Variants in EFEMP2 observed in about 807,000 individuals in gnomAD.
EFEMP2 encodes EGF-containing fibulin-like extracellular matrix protein 2.
Under a neutral mutation model 55.3 loss-of-function variants are expected in EFEMP2, and 21 were observed. That is an observed-to-expected ratio of 0.38 (90% CI 0.27 to 0.55). EFEMP2 has a LOEUF of 0.55. EFEMP2 is among the 20% of genes least tolerant of loss of function. The pLI is 0.77. For missense variants in EFEMP2, 513 were observed against 615.1 expected, an observed-to-expected ratio of 0.83 and a Z score of 1.76; for synonymous variants, 275 against 242.3, an observed-to-expected ratio of 1.14 and a Z score of -1.25.
rs1247980345 is a variant in EFEMP2, at chr11:65,870,219, T to C, written c.509A>G (p.Tyr170Cys). ...PECVDIDECRYRYCQHRCVNL... is the reference protein window; with the variant it reads ...PECVDIDECRCRYCQHRCVNL... Reference sequence around the variant, plus strand: ...CACGCAGCGGTGCTGGCAGTAGCGGTAGCGGCACTCGTCTATGTCTAGGGA... The same window carrying C: ...CACGCAGCGGTGCTGGCAGTAGCGGCAGCGGCACTCGTCTATGTCTAGGGA... Residue 170 changes from tyrosine to cysteine, a missense_variant, in exon 6 of 11, where the codon TAC becomes TGC. Coordinates refer to ENST00000307998, the MANE Select transcript of EFEMP2 (RefSeq NM_016938.5). 1 of 1,613,326 alleles carries C rather than the reference T, an allele frequency of 6.2e-7. No individual in the cohort carries two copies. Among genetic ancestry groups the C allele is most frequent in the Non-Finnish European group, 8.5e-7 (1 of 1,179,978 alleles).
intron 7 of EFEMP2, chr11:65,869,605 T>TAC (rs1859927453): frequency 3.7e-6 from 2 of 546,594 alleles, no homozygotes; most frequent in South Asian, 3.9e-5. Context: ...GAGCCTGATA[T>TAC]GTGGGACAGG....
At chr11:65,870,830 A>C in intron 4 of EFEMP2, 172 bp from the exon 5 acceptor site, 1 of 904,278 alleles carries the variant, frequency 1.1e-6, no homozygotes, top group Non-Finnish European at 1.7e-6. Context: ...GGGGTTGCAC[A>C]GGAAATAAGG....
At position 65,872,379 on chromosome 11, in the gene EFEMP2, C is replaced by A. The variant is rs1330231469; in HGVS notation, c.-7-18G>T. 5 of 1,514,296 alleles carry A rather than the reference C, an allele frequency of 3.3e-6. No homozygotes were observed. The highest frequency in any genetic ancestry group is 4.5e-6 in the Non-Finnish European group (5 of 1,114,512). 93.8% of individuals were successfully genotyped at this position (1,514,296 alleles called of 1,614,324 possible). A position where few individuals can be genotyped will look rare whatever the true frequency, so the allele number is the denominator to read the frequency against. ...TCCTGGGGCTGCGAGATGGTGGACACGGGTCAGGGGCCTCTGCCCGCGGCA... is the reference window on the plus strand; with the variant it reads ...TCCTGGGGCTGCGAGATGGTGGACAAGGGTCAGGGGCCTCTGCCCGCGGCA... On this transcript the variant is annotated intron_variant, in intron 1 of 10. Transcript: ENST00000307998.
At chr11:65,870,277 G>A in intron 5 of EFEMP2, 40 bp from the exon 6 acceptor site, 1 of 1,589,936 alleles carries the variant, frequency 6.3e-7, no homozygotes, top group African/African-American at 1.3e-5. Flanking sequence ...GAGGGCAGAG[G>A]GCAGAGGGCA....
At chr11:65,871,051 TG>T in intron 4 of EFEMP2, 105 bp downstream of exon 4, 1 of 1,317,082 alleles carries the variant, frequency 7.6e-7, no homozygotes, top group Non-Finnish European at 1.1e-6. Flanking sequence ...GATGAGGGTG[TG>T]GACATCACCA....
Position 65,866,805 on chromosome 11 carries a change from C to T in EFEMP2, c.*113G>A, listed in dbSNP as rs946630454. ...CTGAGGCTTCCTGCAGTGTGACCCG[C>T]CCACCTCAGCCACCAGGACTTTCTT... On this transcript the variant is annotated 3_prime_UTR_variant, in exon 11 of 11. Transcript: ENST00000307998. 1.4e-6 allele frequency: 2 copies of T among 1,391,338 alleles called. No individual in the cohort carries two copies. Among genetic ancestry groups the T allele is most frequent in the African/African-American group, 2.9e-5 (2 of 69,956 alleles). 86.2% of individuals were successfully genotyped at this position (1,391,338 alleles called of 1,614,324 possible). A position where few individuals can be genotyped will look rare whatever the true frequency, so the allele number is the denominator to read the frequency against.
At chr11:65,872,133 A>G (rs1859974541) in intron 2 of EFEMP2, 111 bp downstream of exon 2, 15 of 1,499,014 alleles carry the variant, frequency 1.0e-5, no homozygotes, top group Non-Finnish European at 1.4e-5. Context: ...AATGGCCCCC[A>G]GCTCTCCACC....
intron 7 of EFEMP2, 83 bp downstream of exon 7, chr11:65,869,774 T>C: frequency 6.3e-7 from 1 of 1,596,832 alleles, no homozygotes; most frequent in South Asian, 1.1e-5. Context: ...AGGCCTCAAA[T>C]GGAGAACTGT....
At chr11:65,871,007 A>G in intron 4 of EFEMP2, 150 bp downstream of exon 4, 1 of 1,006,444 alleles carries the variant, frequency 9.9e-7, no homozygotes, top group Non-Finnish European at 1.5e-6. Flanking sequence ...AGCTGGGGCC[A>G]CCTGCGGCAG....
chr11:65,867,044 G>T lies in EFEMP2; in HGVS notation c.1206C>A (p.Ala402=). 6.2e-7 allele frequency: 1 copy of T among 1,614,180 alleles called. No homozygotes were observed. Reference sequence around the variant, plus strand: ...ACTCCCGGGGGCCCGTCACCGGCCGGGCGAGGACCAGCATGGCGCTGACGT... The same window carrying T: ...ACTCCCGGGGGCCCGTCACCGGCCGTGCGAGGACCAGCATGGCGCTGACGT... ...INNVSAMLVL[A]RPVTGPREYV... The change falls in exon 11 of 11, where the codon GCC becomes GCA. Residue 402 remains alanine (A), a synonymous_variant. Transcript: ENST00000307998.
chr11:65,870,393 C>G, intron 5 of EFEMP2, 143 bp downstream of exon 5: 1 of 1,450,674 alleles, frequency 6.9e-7, no homozygotes. Flanking sequence ...ACACTCCCCG[C>G]TACAGTCCTC....
Position 65,868,411 on chromosome 11 carries a change from C to T in EFEMP2, c.858G>A (p.Glu286=). 5.6e-6 allele frequency: 9 copies of T among 1,613,958 alleles called. No homozygotes were observed. The highest frequency in any genetic ancestry group is 7.6e-6 in the Non-Finnish European group (9 of 1,180,032). The stretch of plus-strand genomic sequence containing the variant: ...AGCACTGGTGCGCACCAGACTCACA[C>T]TCATCAATGTCTGTGCCAGGGGAGA... ...LATRLCQDID[E]CESGAHQCSE... is the part of the protein sequence containing the mutation. The change falls in exon 9 of 11, where the codon GAG becomes GAA. Residue 286 remains glutamate, a synonymous_variant. Coordinates refer to ENST00000307998, the MANE Select transcript of EFEMP2 (RefSeq NM_016938.5).
chr11:65,871,462 C>T, intron 3 of EFEMP2, 99 bp from the exon 4 acceptor site: 2 of 1,126,026 alleles, frequency 1.8e-6, no homozygotes, highest in Non-Finnish European at 2.7e-6. Flanking sequence ...GATGTGTGGC[C>T]CCAGCAAAGC....
rs193302867 is a variant in EFEMP2 at position 65,870,650 on chromosome 11, C to G, written c.376G>C (p.Glu126Gln). Reference sequence around the variant, plus strand: ...CAGTCGTGCAGGGCCTGGGCACACTCGTCCACATCTGCGAGAGACACCACT... The same window carrying G: ...CAGTCGTGCAGGGCCTGGGCACACTGGTCCACATCTGCGAGAGACACCACT... The part of the protein sequence containing the change: ...DDQDSCVDVD[E>Q]CAQALHDCRP... The change falls in exon 5 of 11, where the codon GAG becomes CAG. Residue 126 changes from glutamate (E) to glutamine (Q), a missense_variant. Glu to Gln is a conservative substitution (Grantham distance 29). Coordinates refer to ENST00000307998, the MANE Select transcript of EFEMP2 (RefSeq NM_016938.5). 6.2e-7 allele frequency: 1 copy of G among 1,614,030 alleles called. No individual in the cohort carries two copies. The highest frequency in any genetic ancestry group is 8.5e-7 in the Non-Finnish European group (1 of 1,180,018).
In EFEMP2 at chr11:65,867,851, G is replaced by C. The variant is rs2134746479; in HGVS notation, c.1170+10C>G. On this transcript the variant is annotated intron_variant, in intron 10 of 10. Transcript: ENST00000307998. ...TTGTGCATGTCAGTTGAGGGTTGCA[G>C]AAACCTTACCCTAATGTAAAAGTCC... 1 of 1,613,914 alleles carries C rather than the reference G, an allele frequency of 6.2e-7. No individual in the cohort carries two copies. Among genetic ancestry groups the C allele is most frequent in the South Asian group, 1.1e-5 (1 of 91,088 alleles).
rs930396371 is a variant in EFEMP2, at chr11:65,872,711, G to C, written c.-36C>G. 2.8e-6 allele frequency: 1 copy of C among 353,630 alleles called. No individual in the cohort carries two copies. Among genetic ancestry groups the C allele is most frequent in the Non-Finnish European group, 5.7e-6 (1 of 175,456 alleles). 21.9% of individuals were successfully genotyped at this position (353,630 alleles called of 1,614,324 possible). A position where few individuals can be genotyped will look rare whatever the true frequency, so the allele number is the denominator to read the frequency against. On this transcript the variant is annotated 5_prime_UTR_variant, in exon 1 of 11. Transcript: ENST00000307998. ...GGCCCGCGACACCCCCGCGGCCCGCGGCTCTGGCGGCTCGGCTGGCTCGGG... is the reference window on the plus strand; with the variant it reads ...GGCCCGCGACACCCCCGCGGCCCGCCGCTCTGGCGGCTCGGCTGGCTCGGG...
Position 65,871,066 on chromosome 11 carries a change from GC to G in EFEMP2, c.367+90del, listed in dbSNP as rs376778147. ...GATGAGGGTGTGGACATCACCAGTGGCCCTTTTGAGCTGGGGAGGAACATGA... is the reference window on the plus strand; with the variant it reads ...GATGAGGGTGTGGACATCACCAGTGGCCTTTTGAGCTGGGGAGGAACATGA... On this transcript the variant is annotated intron_variant, in intron 4 of 10. Coordinates refer to ENST00000307998, the MANE Select transcript of EFEMP2 (RefSeq NM_016938.5). 2.4e-4 allele frequency: 337 copies of G among 1,428,964 alleles called. 10 individuals carry two copies. The East Asian group carries it at 4.0e-3, about 17-fold the overall frequency. The allele number at this position is 1,428,964 out of a possible 1,614,324, so 88.5% of individuals were successfully genotyped here. A position where few individuals can be genotyped will look rare whatever the true frequency, so the allele number is the denominator to read the frequency against.
At chr11:65,871,033 A>G (rs1205037090) in intron 4 of EFEMP2, 124 bp downstream of exon 4, 5 of 1,197,966 alleles carry the variant, frequency 4.2e-6, no homozygotes, top group Non-Finnish European at 4.8e-6. Context: ...AAACAACATG[A>G]GTGTCTGGAT....
Position 65,866,944 on chromosome 11 carries a change from C to T in EFEMP2, c.1306G>A (p.Val436Ile), listed in dbSNP as rs774228818. The change falls in exon 11 of 11, where the codon GTC becomes ATC. Residue 436 changes from valine (V) to isoleucine (I), a missense_variant. Transcript: ENST00000307998. The stretch of plus-strand genomic sequence containing the variant: ...CAGAAGGTGTAGGCCCCTACAAAGA[C>T]GGTGAGCCTCAGTACAGAGCTGGCC... ...YRASSVLRLTVFVGAYTF is the reference protein window; with the variant it reads ...YRASSVLRLTIFVGAYTF 3.8e-5 allele frequency: 61 copies of T among 1,614,070 alleles called. No homozygotes were observed. The highest frequency in any genetic ancestry group is 7.7e-5 in the South Asian group (7 of 91,086).
Sources: gnomAD v4.1 joint callset for allele counts on GRCh38, gnomAD v4.1.1 for gene constraint, MANE v1.5 for transcripts, NCBI Gene and HGNC (gene_info 2026-07-23, HGNC 2026-07-21) for gene names.